Variants in PTPRD observed in about 807,000 individuals in gnomAD.
The protein encoded by PTPRD is protein tyrosine phosphatase receptor type D.
PTPRD carries 34 observed loss-of-function variants against 214.5 expected under a neutral mutation model. The observed-to-expected ratio is 0.16, with a 90% CI of 0.12 to 0.21. The LOEUF is 0.21. Among genes scored for constraint, PTPRD ranks in the 10% least tolerant of loss-of-function variants. The pLI is 1.00. For synonymous variants in PTPRD, 1,128 were observed against 845.7 expected, an observed-to-expected ratio of 1.33 and a Z score of -5.79; for missense variants, 2,545 against 2,398.7, an observed-to-expected ratio of 1.06 and a Z score of -1.27.
At chr9:10,351,366 A>G (rs556232828) in intron 2 of PTPRD, among the ~76,000 whole-genome samples, 1 of 152,202 alleles carries the variant, frequency 6.6e-6, no homozygotes, top group Admixed American at 6.5e-5. Flanking sequence ...ACACTAACCA[A>G]TCTGTTTCTT....
At chr9:8,735,909 T>G (rs1317165269) in intron 11 of PTPRD, among the ~76,000 whole-genome samples, 1 of 20,682 alleles carries the variant, frequency 4.8e-5, no homozygotes, top group African/African-American at 2.6e-4. Context: ...AGACTTCGTC[T>G]CAAAAAAAAA....
At chr9:8,957,930 A>G (rs1041363720) in intron 11 of PTPRD, among the ~76,000 whole-genome samples, 1 of 148,586 alleles carries the variant, frequency 6.7e-6, no homozygotes, top group Non-Finnish European at 1.5e-5. Flanking sequence ...GAAAAAGAAG[A>G]CCATTCTTTA....
chr9:8,836,971 C>T (rs997723979), intron 11 of PTPRD, among the ~76,000 whole-genome samples: 2 of 151,632 alleles, frequency 1.3e-5, no homozygotes, highest in African/African-American at 4.8e-5. Context: ...ACCCACCCAT[C>T]CCCCCACCAT....
rs528766697 is a variant in PTPRD at position 8,331,680 on chromosome 9, T to G, written c.5436A>C (p.Gly1812=). Residue 1812 remains glycine (G), a synonymous_variant, in exon 44 of 46, where the codon GGA becomes GGC. Transcript: ENST00000381196. ...QFQFTDWPEQ[G]VPKSGEGFID... is the part of the protein sequence containing the mutation. ...TAAATCCTTCTCCGGACTTTGGCAC[T>G]CCTTGCTCTGGCCAGTCAGTGAACT... is the stretch of plus-strand genomic sequence containing the variant. 3.1e-6 allele frequency: 5 copies of G among 1,613,986 alleles called. No homozygotes were observed. Among genetic ancestry groups the G allele is most frequent in the Admixed American group, 3.3e-5 (2 of 59,996 alleles).
intron 2 of PTPRD, among the ~76,000 whole-genome samples, chr9:10,360,303 A>G (rs981013283): frequency 9.9e-5 from 15 of 152,272 alleles, no homozygotes; most frequent in African/African-American, 3.6e-4. Flanking sequence ...ATAAAAATTT[A>G]GAAAGGGTAT....
intron 7 of PTPRD, among the ~76,000 whole-genome samples, chr9:9,662,197 G>C (rs1470063350): frequency 1.3e-5 from 2 of 151,596 alleles, no homozygotes; most frequent in Non-Finnish European, 3.0e-5. Flanking sequence ...CTCAGTTCCA[G>C]TATTTACCTA....
At chr9:8,580,810 T>C (rs1435683117) in intron 14 of PTPRD, among the ~76,000 whole-genome samples, 1 of 152,082 alleles carries the variant, frequency 6.6e-6, no homozygotes, top group Non-Finnish European at 1.5e-5. Flanking sequence ...AAACAGCAAA[T>C]AGCAAATGTG....
At chr9:9,038,452 C>T (rs527428103) in intron 10 of PTPRD, among the ~76,000 whole-genome samples, 19 of 151,956 alleles carry the variant, frequency 1.3e-4, no homozygotes, top group Middle Eastern at 3.4e-3. Context: ...TGTACACGAA[C>T]ATGTATACAA....
At chr9:8,465,329 G>T in intron 32 of PTPRD, 137 bp downstream of exon 32, 1 of 729,636 alleles carries the variant, frequency 1.4e-6, no homozygotes. Context: ...CAAAGAGTAG[G>T]CAGCCTGTTA....
At chr9:9,676,733 A>T (rs2096938407) in intron 7 of PTPRD, among the ~76,000 whole-genome samples, 1 of 152,146 alleles carries the variant, frequency 6.6e-6, no homozygotes, top group Non-Finnish European at 1.5e-5. Flanking sequence ...ACTAGTTTAC[A>T]GTCCCACCAA....
At chr9:9,193,822 A>G (rs1264549316) in intron 9 of PTPRD, among the ~76,000 whole-genome samples, 2 of 151,910 alleles carry the variant, frequency 1.3e-5, no homozygotes, top group Admixed American at 6.6e-5. Context: ...ACAACTGTAG[A>G]CTTTATACGC....
At chr9:8,699,116 T>C (rs548694032) in intron 12 of PTPRD, among the ~76,000 whole-genome samples, 89 of 152,248 alleles carry the variant, frequency 5.8e-4, no homozygotes, top group Non-Finnish European at 1.0e-3. Flanking sequence ...TAATGAAAAA[T>C]ACAGAATTTA....
In PTPRD at chr9:10,467,262, G is replaced by T. The variant is rs375849561; in HGVS notation, c.-599-126245C>A. 2.2e-4 allele frequency among the ~76,000 whole-genome samples: 33 copies of T among 152,334 alleles called. No homozygotes were observed. The East Asian group carries it at 6.0e-3, about 28-fold the overall frequency. ...ATGTTAGATCTGGCATCTGCCAAAAGGGAATAAACCTGTCAATATACTGTG... is the reference window on the plus strand; with the variant it reads ...ATGTTAGATCTGGCATCTGCCAAAATGGAATAAACCTGTCAATATACTGTG... On this transcript the variant is annotated intron_variant, in intron 2 of 45. Coordinates refer to ENST00000381196, the MANE Select transcript of PTPRD (RefSeq NM_002839.4).
chr9:9,834,417 A>G (rs2056096198), intron 5 of PTPRD, among the ~76,000 whole-genome samples: 1 of 152,070 alleles, frequency 6.6e-6, no homozygotes, highest in Non-Finnish European at 1.5e-5. Flanking sequence ...TGAACTCCAC[A>G]AATTCACCAA....
intron 3 of PTPRD, among the ~76,000 whole-genome samples, chr9:10,081,560 A>T (rs1014244677): frequency 1.3e-5 from 2 of 152,020 alleles, no homozygotes; most frequent in Non-Finnish European, 2.9e-5. Context: ...TCTGCCAGCC[A>T]AGAGAGGGCC....
At chr9:9,049,125 G>C (rs1569505656) in intron 10 of PTPRD, among the ~76,000 whole-genome samples, 1 of 152,176 alleles carries the variant, frequency 6.6e-6, no homozygotes, top group Non-Finnish European at 1.5e-5. Flanking sequence ...GACATTTTAA[G>C]TTTTTTGCTT....
chr9:8,460,315 A>T (rs759590238), intron 33 of PTPRD, 96 bp downstream of exon 33: 2 of 1,401,030 alleles, frequency 1.4e-6, no homozygotes, highest in Non-Finnish European at 2.0e-6. Flanking sequence ...AAGTATTTCT[A>T]CTAAAATCAA....
chr9:10,543,817 A>G (rs1566846115), intron 2 of PTPRD, among the ~76,000 whole-genome samples: 1 of 152,206 alleles, frequency 6.6e-6, no homozygotes, highest in East Asian at 1.9e-4. Context: ...CCACAATGCA[A>G]CATCTTAACA....
At chr9:8,728,851 G>A (rs1000771488) in intron 12 of PTPRD, among the ~76,000 whole-genome samples, 1 of 151,904 alleles carries the variant, frequency 6.6e-6, no homozygotes, top group Non-Finnish European at 1.5e-5. Flanking sequence ...ATGGTGGCAG[G>A]GGCCTGTAAT....
Sources: gnomAD v4.1 joint callset for allele counts (sites outside exome capture counted in the v4.1 genomes callset) on GRCh38, gnomAD v4.1.1 for gene constraint, MANE v1.5 for transcripts, NCBI Gene and HGNC (gene_info 2026-07-23, HGNC 2026-07-21) for gene names.